Variants in CEP70 observed in about 807,000 individuals in gnomAD.
CEP70 encodes the protein centrosomal protein 70.
A neutral mutation model predicts 90.9 loss-of-function variants in CEP70; 70 were observed. The ratio of observed to expected loss-of-function variants is 0.77; its 90% CI spans 0.64 to 0.94. The LOEUF (loss-of-function observed/expected upper bound fraction) is 0.94, where lower values mean the gene tolerates loss of function less well. Ranked by LOEUF, CEP70 falls within the 40% of genes least tolerant of loss-of-function variation. The probability of loss-of-function intolerance (pLI) is 0.00; values close to 1 mark genes in which losing one functional copy is unlikely to be tolerated. For missense variants in CEP70, 648 were observed against 669.0 expected, an observed-to-expected ratio of 0.97 and a Z score of 0.35; for synonymous variants, 220 against 228.3, an observed-to-expected ratio of 0.96 and a Z score of 0.33.
intron 1 of CEP70, among the ~76,000 whole-genome samples, chr3:138,593,521 C>A (rs1251356232): frequency 1.3e-5 from 2 of 152,196 alleles, no homozygotes; most frequent in Non-Finnish European, 2.9e-5. Context: ...CTGCGCCCTG[C>A]CTGTTTAATA....
intron 11 of CEP70, among the ~76,000 whole-genome samples, chr3:138,521,705 G>T (rs1289108198): frequency 1.3e-5 from 2 of 151,422 alleles, no homozygotes; most frequent in Admixed American, 1.3e-4. Flanking sequence ...GTCTCGGGGG[G>T]TGGGGAGACC....
chr3:138,569,017 C>T (rs2040982787), intron 6 of CEP70, among the ~76,000 whole-genome samples: 1 of 151,170 alleles, frequency 6.6e-6, no homozygotes, highest in Non-Finnish European at 1.5e-5. Context: ...CAAAAAAAAA[C>T]AAAGCCAACC....
chr3:138,577,959 G>GT (rs1329918650), intron 2 of CEP70, among the ~76,000 whole-genome samples: 18 of 152,368 alleles, frequency 1.2e-4, no homozygotes, highest in African/African-American at 4.8e-5. Flanking sequence ...CCACAGCCTA[G>GT]TTTTTTCATC....
chr3:138,541,239 A>G lies in CEP70; in HGVS notation c.466-3892T>C, dbSNP rs957610645. 7.2e-5 allele frequency among the ~76,000 whole-genome samples: 11 copies of G among 152,322 alleles called. No individual in the cohort carries two copies. In the South Asian group the frequency reaches 2.1e-3, roughly 29 times the overall value. On this transcript the variant is annotated intron_variant, in intron 6 of 17. Coordinates refer to ENST00000264982, the MANE Select transcript of CEP70 (RefSeq NM_024491.4). ...TTACCCAAATCTAAAAGTTTAATAAATAAGTACATTCTCAAAGTCAAGCAC... is the reference window on the plus strand; with the variant it reads ...TTACCCAAATCTAAAAGTTTAATAAGTAAGTACATTCTCAAAGTCAAGCAC...
At chr3:138,499,781 T>TACACA in intron 16 of CEP70, 1 of 130,058 alleles carries the variant, frequency 7.7e-6, no homozygotes, top group South Asian at 1.4e-4. Flanking sequence ...TATCTCTCTC[T>TACACA]CTACACACAC....
intron 2 of CEP70, among the ~76,000 whole-genome samples, chr3:138,590,765 C>T (rs531670148): frequency 7.1e-4 from 108 of 151,714 alleles, no homozygotes; most frequent in African/African-American, 2.3e-3. Context: ...CAGCTGAGAT[C>T]GTGCCACTGC....
At position 138,571,085 on chromosome 3, in the gene CEP70, G is replaced by A. The variant is rs767641855; in HGVS notation, c.233C>T (p.Ser78Leu). The A allele has an allele frequency of 1.3e-5, 21 of 1,606,708 alleles. No individual in the cohort carries two copies. The highest frequency in any genetic ancestry group is 1.5e-5 in the Non-Finnish European group (18 of 1,175,058). ...CTCCTGTATCATGTTCTGTTGACAT[G>A]ATGTTTCTTCCACCAACAATTTCAA... ...QNLKLLVEET[S>L]CQQNMIQELI... The change falls in exon 5 of 18, where the codon TCA becomes TTA. Residue 78 changes from serine (S) to leucine (L), a missense_variant. Ser to Leu is a moderately radical substitution (Grantham distance 145). Transcript: ENST00000264982.
At chr3:138,520,620 G>A (rs2036523744) in intron 11 of CEP70, among the ~76,000 whole-genome samples, 2 of 152,166 alleles carry the variant, frequency 1.3e-5, no homozygotes, top group Non-Finnish European at 2.9e-5. Flanking sequence ...AAATAAAGAT[G>A]TTCTTTGAAA....
intron 6 of CEP70, among the ~76,000 whole-genome samples, chr3:138,562,772 C>T (rs957169149): frequency 1.3e-5 from 2 of 152,140 alleles, no homozygotes; most frequent in Admixed American, 6.6e-5. Flanking sequence ...TAAAGACCAT[C>T]GACACTATGA....
chr3:138,500,632 T>A, intron 14 of CEP70, 65 bp from the exon 15 acceptor site: 1 of 1,520,398 alleles, frequency 6.6e-7, no homozygotes, highest in South Asian at 1.3e-5. Flanking sequence ...ATAAAAACTT[T>A]TAAAAGACAA....
intron 2 of CEP70, 67 bp from the exon 3 acceptor site, chr3:138,572,999 A>G (rs1165630496): frequency 1.9e-6 from 2 of 1,076,622 alleles, no homozygotes; most frequent in African/African-American, 1.6e-5. Context: ...ATGAAAAAAG[A>G]CAAAAAGTGC....
Position 138,574,246 on chromosome 3 carries a change from C to T in CEP70, c.-5-1314G>A, listed in dbSNP as rs149241612. Among the ~76,000 whole-genome samples, 606 of 152,324 alleles carry T rather than the reference C, an allele frequency of 4.0e-3. 3 individuals are homozygous for T. Among genetic ancestry groups the T allele is most frequent in the African/African-American group, 0.014 (580 of 41,576 alleles). On this transcript the variant is annotated intron_variant, in intron 2 of 17. Coordinates refer to ENST00000264982, the MANE Select transcript of CEP70 (RefSeq NM_024491.4). Reference sequence around the variant, plus strand: ...TCCAGACACTGCTACCCAAACACTGCGCTTTTCCAATGGTCTCAGCAAGTG... The same window carrying T: ...TCCAGACACTGCTACCCAAACACTGTGCTTTTCCAATGGTCTCAGCAAGTG...
At chr3:138,519,621 C>G (rs1036063124) in intron 11 of CEP70, among the ~76,000 whole-genome samples, 6 of 152,146 alleles carry the variant, frequency 3.9e-5, no homozygotes, top group Admixed American at 2.6e-4. Flanking sequence ...CCTTTACAGA[C>G]AAGCAAATGC....
intron 1 of CEP70, among the ~76,000 whole-genome samples, chr3:138,592,219 AT>A (rs1415467024): frequency 6.6e-6 from 1 of 152,146 alleles, no homozygotes; most frequent in African/African-American, 2.4e-5. Flanking sequence ...TCTATCATCA[AT>A]TCTGACTTCT....
At position 138,592,547 on chromosome 3, in the gene CEP70, TGGGGGTAGGAGTCG is replaced by T. The variant is rs373484070; in HGVS notation, c.-108-605_-108-592del. ...CATAACACACTTAAAATAAGATTGT[TGGGGGTAGGAGTCG>T]GGGGGTAGGAGTCGGAGGGTAGGAG... is the stretch of plus-strand genomic sequence containing the variant. On this transcript the variant is annotated intron_variant, in intron 1 of 17. Transcript: ENST00000264982. Among the ~76,000 whole-genome samples, 863 of 147,996 alleles carry T rather than the reference TGGGGGTAGGAGTCG, an allele frequency of 5.8e-3. 7 individuals are homozygous for T. Among genetic ancestry groups the T allele is most frequent in the African/African-American group, 0.021 (827 of 40,074 alleles).
chr3:138,553,991 G>C lies in CEP70; in HGVS notation c.465+16327C>G, dbSNP rs2039810996. Reference sequence around the variant, plus strand: ...GTGGGTGGATCACCTGAGGTCAGTAGTTCAAGACTAGCCTGGCCAACATGG... The same window carrying C: ...GTGGGTGGATCACCTGAGGTCAGTACTTCAAGACTAGCCTGGCCAACATGG... On this transcript the variant is annotated intron_variant, in intron 6 of 17. Transcript: ENST00000264982. Among the ~76,000 whole-genome samples the C allele has an allele frequency of 2.0e-5, 3 of 152,240 alleles. No individual in the cohort carries two copies. The South Asian group carries it at 6.2e-4, about 32-fold the overall frequency.
At chr3:138,582,525 G>A (rs2041918140) in intron 2 of CEP70, among the ~76,000 whole-genome samples, 1 of 150,848 alleles carries the variant, frequency 6.6e-6, no homozygotes, top group Admixed American at 6.6e-5. Context: ...TTTAATCCCA[G>A]CACTTTGGGA....
In CEP70 at chr3:138,521,692, C is replaced by T. The variant is rs1312445726; in HGVS notation, c.944+3798G>A. 2.0e-5 allele frequency among the ~76,000 whole-genome samples: 3 copies of T among 151,468 alleles called. No homozygotes were observed. In the East Asian group the frequency reaches 5.9e-4, roughly 30 times the overall value. On this transcript the variant is annotated intron_variant, in intron 11 of 17. Transcript: ENST00000264982. ...CTGAGGAGCGCCTCTGCCCGGCCGC[C>T]CCGTCTCGGGGGGTGGGGAGACCCT...
At chr3:138,522,728 A>C (rs2036796680) in intron 11 of CEP70, among the ~76,000 whole-genome samples, 1 of 152,126 alleles carries the variant, frequency 6.6e-6, no homozygotes, top group Non-Finnish European at 1.5e-5. Flanking sequence ...TGAGGCAATA[A>C]TTAATAGCTT....
Sources: gnomAD v4.1 joint callset for allele counts (sites outside exome capture counted in the v4.1 genomes callset) on GRCh38, gnomAD v4.1.1 for gene constraint, MANE v1.5 for transcripts, NCBI Gene and HGNC (gene_info 2026-07-23, HGNC 2026-07-21) for gene names.